The following MRPS23 variants were observed in gnomAD, a reference collection of about 807,000 sequenced individuals.
MRPS23 encodes small ribosomal subunit protein mS23.
A neutral mutation model predicts 19.8 loss-of-function variants in MRPS23; 14 were observed. The observed-to-expected ratio is 0.71, with a 90% CI of 0.47 to 1.11. MRPS23 has a LOEUF of 1.11. Ranked by LOEUF, MRPS23 falls within the 50% of genes least tolerant of loss-of-function variation. The pLI, the probability that MRPS23 is intolerant of heterozygous loss-of-function variation, is 0.00. For missense variants in MRPS23, 242 were observed against 236.7 expected, an observed-to-expected ratio of 1.02 and a Z score of -0.15; for synonymous variants, 113 against 89.7, an observed-to-expected ratio of 1.26 and a Z score of -1.47.
At chr17:57,846,291 G>A (rs1445259191) in intron 2 of MRPS23, among the ~76,000 whole-genome samples, 1 of 13,560 alleles carries the variant, frequency 7.4e-5, no homozygotes, top group Non-Finnish European at 1.8e-4. Flanking sequence ...CCGTCCGGGA[G>A]GGAGGTGGGG....
Position 57,839,950 on chromosome 17 carries a change from T to C in MRPS23, c.421-15A>G, listed in dbSNP as rs371394876. ...CCTCCGTGTTGCTTAAAAGACCAGATTTAAGTATCACAGAGATGTTATCAT... is the reference window on the plus strand; with the variant it reads ...CCTCCGTGTTGCTTAAAAGACCAGACTTAAGTATCACAGAGATGTTATCAT... On this transcript the variant is annotated splice_polypyrimidine_tract_variant and intron_variant, in intron 4 of 4. Transcript: ENST00000313608. 2 of 1,613,562 alleles carry C rather than the reference T, an allele frequency of 1.2e-6. No individual in the cohort carries two copies. The highest frequency in any genetic ancestry group is 3.3e-5 in the Admixed American group (2 of 60,018).
At chr17:57,849,488 G>T (rs2073798357) in intron 1 of MRPS23, 78 bp from the exon 2 acceptor site, 2 of 1,525,112 alleles carry the variant, frequency 1.3e-6, no homozygotes. Flanking sequence ...GCACAGTTTG[G>T]GACATTAAAG....
At chr17:57,848,563 C>A (rs555703512) in intron 2 of MRPS23, among the ~76,000 whole-genome samples, 3 of 151,850 alleles carry the variant, frequency 2.0e-5, no homozygotes, top group Non-Finnish European at 2.9e-5. Context: ...TTAGTAGAGA[C>A]GGGGTTTCAC....
intron 2 of MRPS23, among the ~76,000 whole-genome samples, chr17:57,847,227 A>G (rs2073782255): frequency 6.7e-6 from 1 of 149,402 alleles, no homozygotes; most frequent in Non-Finnish European, 1.5e-5. Context: ...CGGGAGGTGG[A>G]GGTTGCATGG....
chr17:57,837,254 G>A lies in MRPS23; in HGVS notation c.*2529C>T, dbSNP rs2073711096. The A allele has an allele frequency of 6.6e-6, 1 of 152,334 alleles. No individual in the cohort carries two copies. Among genetic ancestry groups the A allele is most frequent in the East Asian group, 1.9e-4 (1 of 5,188 alleles). The allele number at this position is 152,334 out of a possible 1,614,324, so 9.4% of individuals were successfully genotyped here. ...GTCTGGTTTAACAAGATCAGAATGT[G>A]TAGGGGAACGCATTCTCATACATTG... On this transcript the variant is annotated 3_prime_UTR_variant, in exon 5 of 5. Coordinates refer to ENST00000313608, the MANE Select transcript of MRPS23 (RefSeq NM_016070.4).
intron 2 of MRPS23, among the ~76,000 whole-genome samples, chr17:57,844,466 T>C (rs866220410): frequency 3.3e-5 from 5 of 151,658 alleles, no homozygotes; most frequent in Middle Eastern, 3.4e-3. Flanking sequence ...TTTAAAGAAA[T>C]AATATTTAAC....
At position 57,841,176 on chromosome 17, in the gene MRPS23, G is replaced by A. The variant is rs916063447; in HGVS notation, c.293+7C>T. 1.9e-6 allele frequency: 3 copies of A among 1,614,036 alleles called. No individual in the cohort carries two copies. The highest frequency in any genetic ancestry group is 2.5e-6 in the Non-Finnish European group (3 of 1,179,914). The stretch of plus-strand genomic sequence containing the variant: ...ATGAATAGCCTAGGACTTATAAAAT[G>A]GCTTACCGTTGACAGGTAGACTTGA... On this transcript the variant is annotated splice_region_variant and intron_variant, in intron 3 of 4. Transcript: ENST00000313608.
intron 2 of MRPS23, among the ~76,000 whole-genome samples, chr17:57,845,891 T>C (rs1358957417): frequency 6.6e-6 from 1 of 152,210 alleles, no homozygotes; most frequent in Admixed American, 6.5e-5. Flanking sequence ...GTTACAAGAA[T>C]GAATTTGACA....
rs549091560 is a variant in MRPS23, at chr17:57,840,921, C to T, written c.420+5G>A. The T allele has an allele frequency of 3.7e-6, 6 of 1,613,908 alleles. No homozygotes were observed. The highest frequency in any genetic ancestry group is 1.1e-5 in the South Asian group (1 of 91,028). ...CAGTAACAATTTTAACAATGAAATA[C>T]TCACAGTCCTTGCTTCGCCTACTCG... On this transcript the variant is annotated splice_donor_5th_base_variant and intron_variant, in intron 4 of 4. Transcript: ENST00000313608.
chr17:57,842,956 C>A (rs2073750378), intron 2 of MRPS23, among the ~76,000 whole-genome samples: 2 of 148,958 alleles, frequency 1.3e-5, no homozygotes, highest in Admixed American at 1.3e-4. Context: ...CAGTGGCTCA[C>A]ACCTGTAATC....
rs200379700 is a variant in MRPS23 at position 57,849,344 on chromosome 17, G to C, written c.111C>G (p.Ala37=). 6.2e-7 allele frequency: 1 copy of C among 1,614,112 alleles called. No homozygotes were observed. Among genetic ancestry groups the C allele is most frequent in the Non-Finnish European group, 8.5e-7 (1 of 1,180,046 alleles). ...EKPLWFDVYD[A]FPPLREPVFQ... ...AGACGGGCTCCCTCAGCGGGGGAAA[G>C]GCGTCATATACGTCAAACCACAGGG... The change falls in exon 2 of 5, where the codon GCC becomes GCG. Residue 37 remains alanine, a synonymous_variant. Transcript: ENST00000313608.
At chr17:57,846,797 T>C (rs1195004015) in intron 2 of MRPS23, among the ~76,000 whole-genome samples, 3 of 152,110 alleles carry the variant, frequency 2.0e-5, no homozygotes, top group African/African-American at 7.2e-5. Context: ...CAGGGACCTC[T>C]GCCTAGGAAA....
intron 1 of MRPS23, 95 bp downstream of exon 1, chr17:57,849,872 G>C: frequency 7.0e-7 from 1 of 1,432,544 alleles, no homozygotes; most frequent in Non-Finnish European, 9.4e-7. Flanking sequence ...AATACGCCTC[G>C]CCCTGCTCAG....
Position 57,849,296 on chromosome 17 carries a change from A to G in MRPS23, c.159T>C (p.Tyr53=). The change falls in exon 2 of 5, where the codon TAT becomes TAC. Residue 53 remains tyrosine, a synonymous_variant. Coordinates refer to ENST00000313608, the MANE Select transcript of MRPS23 (RefSeq NM_016070.4). Reference sequence around the variant, plus strand: ...CTTGGATGGGAGCTTTGGCTTTGCCATATCGCACTCGAGGCCTTTGGAAGA... The same window carrying G: ...CTTGGATGGGAGCTTTGGCTTTGCCGTATCGCACTCGAGGCCTTTGGAAGA... ...EPVFQRPRVR[Y]GKAKAPIQDI... The G allele has an allele frequency of 6.2e-7, 1 of 1,614,230 alleles. No homozygotes were observed. Among genetic ancestry groups the G allele is most frequent in the East Asian group, 2.2e-5 (1 of 44,886 alleles).
At chr17:57,847,433 C>A (rs190868156) in intron 2 of MRPS23, among the ~76,000 whole-genome samples, 1,638 of 152,062 alleles carry the variant, frequency 0.011, 28 homozygotes, top group African/African-American at 0.036. Context: ...GAGGCCGAGG[C>A]AGGCGGATCA....
At chr17:57,846,961 T>TA (rs938960886) in intron 2 of MRPS23, among the ~76,000 whole-genome samples, 6 of 149,804 alleles carry the variant, frequency 4.0e-5, no homozygotes, top group African/African-American at 1.5e-4. Flanking sequence ...AAATAAAAAA[T>TA]AAAAAAAAGA....
rs1350142586 is a variant in MRPS23 at position 57,839,368 on chromosome 17, G to A, written c.*415C>T. 1 of 153,408 alleles carries A rather than the reference G, an allele frequency of 6.5e-6. No homozygotes were observed. Among genetic ancestry groups the A allele is most frequent in the Non-Finnish European group, 1.5e-5 (1 of 68,918 alleles). 9.5% of individuals were successfully genotyped at this position (153,408 alleles called of 1,614,324 possible). On this transcript the variant is annotated 3_prime_UTR_variant, in exon 5 of 5. Coordinates refer to ENST00000313608, the MANE Select transcript of MRPS23 (RefSeq NM_016070.4). Reference sequence around the variant, plus strand: ...TCTGCAGACAAAACCAGCTAGCCAAGGTTCCACAACATGTGTACACGTATA... The same window carrying A: ...TCTGCAGACAAAACCAGCTAGCCAAAGTTCCACAACATGTGTACACGTATA...
At chr17:57,840,008 C>G (rs919886751) in intron 4 of MRPS23, 73 bp from the exon 5 acceptor site, 93 of 1,557,486 alleles carry the variant, frequency 6.0e-5, no homozygotes, top group Admixed American at 8.7e-5. Context: ...AGATATATAA[C>G]TAGGCACATT....
Position 57,837,841 on chromosome 17 carries a change from C to T in MRPS23, c.*1942G>A. The T allele has an allele frequency of 6.5e-6, 1 of 153,174 alleles. No individual in the cohort carries two copies. Among genetic ancestry groups the T allele is most frequent in the East Asian group, 1.9e-4 (1 of 5,206 alleles). 9.5% of individuals were successfully genotyped at this position (153,174 alleles called of 1,614,324 possible). On this transcript the variant is annotated 3_prime_UTR_variant, in exon 5 of 5. Transcript: ENST00000313608. ...ACAAACAAAAAAAATGTTAAAGAGC[C>T]AGGCGTGGTGGCACATGCCTATAGT... is the stretch of plus-strand genomic sequence containing the variant.
Sources: allele counts gnomAD v4.1 joint callset (sites outside exome capture counted in the v4.1 genomes callset), GRCh38; gene constraint gnomAD v4.1.1; transcripts MANE v1.5; gene names NCBI Gene and HGNC (gene_info 2026-07-23, HGNC 2026-07-21).